The following IFFO2 variants were observed in gnomAD, a reference collection of about 807,000 sequenced individuals.
IFFO2 encodes intermediate filament family orphan 2.
IFFO2 carries 19 observed loss-of-function variants against 53.5 expected under a neutral mutation model. The observed-to-expected ratio is 0.36, with a 90% confidence interval of 0.25 to 0.52. IFFO2 has a LOEUF of 0.52. IFFO2 is among the 20% of genes least tolerant of loss of function. The pLI, the probability that IFFO2 is intolerant of heterozygous loss-of-function variation, is 0.94. For synonymous variants in IFFO2, 303 were observed against 313.6 expected, an observed-to-expected ratio of 0.97 and a Z score of 0.36; for missense variants, 570 against 727.4, an observed-to-expected ratio of 0.78 and a Z score of 2.49.
chr1:18,917,527 C>T lies in IFFO2; in HGVS notation c.964-485G>A, dbSNP rs759211707. Among the ~76,000 whole-genome samples, 21 of 152,174 alleles carry T rather than the reference C, an allele frequency of 1.4e-4. No individual in the cohort carries two copies. The highest frequency in any genetic ancestry group is 4.1e-4 in the South Asian group (2 of 4,826). On this transcript the variant is annotated intron_variant, in intron 4 of 8. Coordinates refer to ENST00000455833, the MANE Select transcript of IFFO2 (RefSeq NM_001136265.2). This position sits in a 1 kb window ranked among gnomAD's most constrained non-coding sequence, Gnocchi z 5.9. ...TCCAAGCAGACAAGCCACGAGCAAACGAAGGCTGCGTTGGCCTCCCCTGCT... is the reference window on the plus strand; with the variant it reads ...TCCAAGCAGACAAGCCACGAGCAAATGAAGGCTGCGTTGGCCTCCCCTGCT...
intron 8 of IFFO2, among the ~76,000 whole-genome samples, chr1:18,909,367 C>T (rs902563231): frequency 1.3e-5 from 2 of 152,192 alleles, no homozygotes; most frequent in Non-Finnish European, 2.9e-5. Context: ...TCTTTGAAGG[C>T]AGGGGCTCTG....
chr1:18,910,354 C>A lies in IFFO2; in HGVS notation c.1436G>T (p.Gly479Val), dbSNP rs761588110. The change falls in exon 8 of 9, where the codon GGC becomes GTC. Residue 479 changes from glycine (G) to valine (V), a missense_variant. Transcript: ENST00000455833. ...QMETCRRLIK[G>V]SADRNSPSPS... is the part of the protein sequence containing the mutation. Reference sequence around the variant, plus strand: ...GATGGGCGGGTACCTGTCTGCGGAGCCTTTGATGAGCCGGCGGCAGGTCTC... The same window carrying A: ...GATGGGCGGGTACCTGTCTGCGGAGACTTTGATGAGCCGGCGGCAGGTCTC... The A allele has an allele frequency of 1.1e-5, 18 of 1,610,808 alleles. No individual in the cohort carries two copies. Among genetic ancestry groups the A allele is most frequent in the Non-Finnish European group, 1.5e-5 (18 of 1,178,492 alleles).
intron 1 of IFFO2, among the ~76,000 whole-genome samples, chr1:18,926,600 C>T (rs186679893): frequency 1.6e-4 from 24 of 152,306 alleles, no homozygotes; most frequent in African/African-American, 4.8e-4. Context: ...GTGGTCTCTC[C>T]GCATTCCTGA....
chr1:18,911,854 A>G (rs557670829), intron 6 of IFFO2, 109 bp downstream of exon 6: 24 of 1,376,504 alleles, frequency 1.7e-5, no homozygotes, highest in Non-Finnish European at 2.2e-5. Context: ...GGGACAGTTT[A>G]GCTGTGTGGT....
chr1:18,948,874 G>T (rs565786244), intron 1 of IFFO2, among the ~76,000 whole-genome samples: 3 of 152,172 alleles, frequency 2.0e-5, no homozygotes. Context: ...CTGTTTACAC[G>T]CCCTGTGCTG....
intron 1 of IFFO2, among the ~76,000 whole-genome samples, chr1:18,937,347 G>A (rs759090494): frequency 3.9e-5 from 6 of 152,166 alleles, no homozygotes; most frequent in Admixed American, 2.6e-4. Context: ...GCAAACACGC[G>A]CACCAAAAGA....
intron 1 of IFFO2, 66 bp downstream of exon 1, chr1:18,955,602 G>C (rs1936713179): frequency 6.7e-7 from 1 of 1,494,710 alleles, no homozygotes; most frequent in African/African-American, 1.5e-5. Flanking sequence ...TCCCGCATAC[G>C]CATTCCGCGG....
At chr1:18,930,413 C>G (rs1200444684) in intron 1 of IFFO2, among the ~76,000 whole-genome samples, 1 of 152,198 alleles carries the variant, frequency 6.6e-6, no homozygotes, top group African/African-American at 2.4e-5. Context: ...TGGTAATGAG[C>G]TAGATGCCGC....
intron 8 of IFFO2, among the ~76,000 whole-genome samples, chr1:18,909,719 C>T (rs552141204): frequency 3.3e-5 from 5 of 152,314 alleles, no homozygotes; most frequent in East Asian, 1.9e-4. Context: ...CCATGTGGAA[C>T]GGTGAGTCAA....
intron 1 of IFFO2, among the ~76,000 whole-genome samples, chr1:18,926,779 A>C (rs1326742043): frequency 6.6e-6 from 1 of 151,374 alleles, no homozygotes; most frequent in Non-Finnish European, 1.5e-5. Flanking sequence ...AGGGACCGAC[A>C]AGCCTGCCCT....
chr1:18,926,672 G>T (rs1474015432), intron 1 of IFFO2, among the ~76,000 whole-genome samples: 1 of 152,136 alleles, frequency 6.6e-6, no homozygotes, highest in Non-Finnish European at 1.5e-5. Flanking sequence ...GGGAAAAGGG[G>T]TGGGCAGATT....
chr1:18,945,683 G>T (rs562466270), intron 1 of IFFO2, among the ~76,000 whole-genome samples: 4 of 152,354 alleles, frequency 2.6e-5, no homozygotes, highest in African/African-American at 7.2e-5. Context: ...CTCAGAGACA[G>T]GCCCCACCCC....
At position 18,908,165 on chromosome 1, in the gene IFFO2, A is replaced by G. The variant is rs1019710687; in HGVS notation, c.*396T>C. ...AGGTGGGACGGACGGCAGAAACCAC[A>G]TTACACCACGGCCGGTTGGCCCGGC... is the stretch of plus-strand genomic sequence containing the variant. On this transcript the variant is annotated 3_prime_UTR_variant, in exon 9 of 9. Coordinates refer to ENST00000455833, the MANE Select transcript of IFFO2 (RefSeq NM_001136265.2). 4.4e-6 allele frequency: 1 copy of G among 226,638 alleles called. No homozygotes were observed. Among genetic ancestry groups the G allele is most frequent in the Non-Finnish European group, 9.1e-6 (1 of 110,074 alleles). 14.0% of individuals were successfully genotyped at this position (226,638 alleles called of 1,614,324 possible).
At chr1:18,951,004 G>A (rs959067535) in intron 1 of IFFO2, among the ~76,000 whole-genome samples, 9 of 152,182 alleles carry the variant, frequency 5.9e-5, no homozygotes, top group African/African-American at 9.7e-5. Context: ...ATGTCGAGGC[G>A]GGGAGGCCAG....
rs1935952776 is a variant in IFFO2 at position 18,906,655 on chromosome 1, C to T, written c.*1906G>A. 1 of 152,186 alleles carries T rather than the reference C, an allele frequency of 6.6e-6. No individual in the cohort carries two copies. The highest frequency in any genetic ancestry group is 1.5e-5 in the Non-Finnish European group (1 of 68,052). 9.4% of individuals were successfully genotyped at this position (152,186 alleles called of 1,614,324 possible). A position where few individuals can be genotyped will look rare whatever the true frequency, so the allele number is the denominator to read the frequency against. On this transcript the variant is annotated 3_prime_UTR_variant, in exon 9 of 9. Coordinates refer to ENST00000455833, the MANE Select transcript of IFFO2 (RefSeq NM_001136265.2). ...ATCAGGTATGTTTGAACCCTGTAAC[C>T]TTTAGAACAAGGGTGAGTGAGGAGA...
At chr1:18,945,831 C>T (rs191564764) in intron 1 of IFFO2, among the ~76,000 whole-genome samples, 59 of 152,360 alleles carry the variant, frequency 3.9e-4, no homozygotes, top group African/African-American at 1.3e-3. Context: ...GCACCATCAT[C>T]GCACTTGCCA....
chr1:18,941,824 A>G (rs1289154972), intron 1 of IFFO2, among the ~76,000 whole-genome samples: 1 of 152,212 alleles, frequency 6.6e-6, no homozygotes, highest in African/African-American at 2.4e-5. Flanking sequence ...GAGACAGTCC[A>G]TGATCCCCAG....
chr1:18,942,345 T>C (rs892275081), intron 1 of IFFO2, among the ~76,000 whole-genome samples: 2 of 152,058 alleles, frequency 1.3e-5, no homozygotes, highest in Non-Finnish European at 2.9e-5. Flanking sequence ...GCCTGACAAA[T>C]AGTACTTTGG....
intron 1 of IFFO2, among the ~76,000 whole-genome samples, chr1:18,925,885 ATGGATGGAT>A (rs1936280256): frequency 2.1e-4 from 7 of 33,230 alleles, no homozygotes; most frequent in Admixed American, 3.9e-4. Flanking sequence ...GGATGGATGG[ATGGATGGAT>A]TGGATGGATT....
Sources: allele counts gnomAD v4.1 joint callset (sites outside exome capture counted in the v4.1 genomes callset), GRCh38; gene constraint gnomAD v4.1.1; non-coding constraint Gnocchi (gnomAD v3.1); transcripts MANE v1.5; gene names NCBI Gene and HGNC (gene_info 2026-07-23, HGNC 2026-07-21).